Variants in GRIP2 observed in about 807,000 individuals in gnomAD.
GRIP2 encodes glutamate receptor-interacting protein 2.
Under a neutral mutation model 108.3 loss-of-function variants are expected in GRIP2, and 58 were observed. The observed-to-expected ratio is 0.54, with a 90% confidence interval of 0.43 to 0.67. The LOEUF (loss-of-function observed/expected upper bound fraction) is 0.67, where lower values mean the gene tolerates loss of function less well. Among genes scored for constraint, GRIP2 ranks in the 30% least tolerant of loss-of-function variants. GRIP2 has a pLI of 0.00. For missense variants in GRIP2, 1,278 were observed against 1,430.6 expected, an observed-to-expected ratio of 0.89 and a Z score of 1.72; for synonymous variants, 586 against 598.2, an observed-to-expected ratio of 0.98 and a Z score of 0.30.
intron 1 of GRIP2, among the ~76,000 whole-genome samples, chr3:14,550,368 G>T (rs1195964159): frequency 6.6e-6 from 1 of 152,214 alleles, no homozygotes; most frequent in Non-Finnish European, 1.5e-5. Flanking sequence ...CTCATCTAGG[G>T]CTCCAAGCCC....
intron 1 of GRIP2, among the ~76,000 whole-genome samples, chr3:14,530,172 T>G (rs1437485228): frequency 6.6e-6 from 1 of 152,230 alleles, no homozygotes; most frequent in African/African-American, 2.4e-5. Flanking sequence ...CGGGTGAATA[T>G]TTTCCAAGTC....
At chr3:14,596,476 G>T in the GRIP2 span, among the ~76,000 whole-genome samples, 1 of 152,210 alleles carries the variant, frequency 6.6e-6, no homozygotes, top group East Asian at 1.9e-4. Flanking sequence ...ACATTCTCTG[G>T]TTCAACACTG....
chr3:14,573,076 A>G, the GRIP2 span: 1 of 1,396,720 alleles, frequency 7.2e-7, no homozygotes, highest in Non-Finnish European at 1.0e-6. Context: ...AAGGAGAGAA[A>G]GAGGCCACTG....
rs750667024 is a variant in GRIP2, at chr3:14,511,273, T to A, written c.1825A>T (p.Ile609Phe). 1 of 1,613,986 alleles carries A rather than the reference T, an allele frequency of 6.2e-7. No individual in the cohort carries two copies. Among genetic ancestry groups the A allele is most frequent in the Admixed American group, 1.7e-5 (1 of 60,028 alleles). ...TLEPGDKLLA[I>F]DNIRLDNCPM... ...CAGTTGTCCAGGCGGATATTGTCAA[T>A]GGCCAGTAGCTTGTCGCCTGGCTCC... The change falls in exon 16 of 24, where the codon ATT (isoleucine) becomes TTT (phenylalanine). Residue 609 changes from isoleucine to phenylalanine, a missense_variant. Transcript: ENST00000621039. This position sits in a 1 kb window ranked among gnomAD's most constrained non-coding sequence, Gnocchi z 4.1.
the GRIP2 span, among the ~76,000 whole-genome samples, chr3:14,598,106 C>T: frequency 4.6e-5 from 7 of 152,196 alleles, no homozygotes; most frequent in Non-Finnish European, 1.0e-4. Context: ...AAACCACACA[C>T]AAACACAAAC....
the GRIP2 span, among the ~76,000 whole-genome samples, chr3:14,566,703 C>G: frequency 1.3e-5 from 2 of 152,186 alleles, no homozygotes; most frequent in African/African-American, 4.8e-5. Context: ...TTCACAGCCC[C>G]TGACCCCTCC....
chr3:14,591,424 T>C, the GRIP2 span, among the ~76,000 whole-genome samples: 3 of 152,110 alleles, frequency 2.0e-5, no homozygotes, highest in African/African-American at 7.2e-5. Flanking sequence ...CAGCGCATCT[T>C]TGGGCAATTG....
the GRIP2 span, among the ~76,000 whole-genome samples, chr3:14,572,154 G>A: frequency 3.3e-5 from 5 of 152,194 alleles, no homozygotes; most frequent in Non-Finnish European, 5.9e-5. Context: ...AGGCACCGGA[G>A]TATTCACAGC....
In GRIP2 at chr3:14,511,218, C is replaced by T. The variant is rs747502991; in HGVS notation, c.1880G>A (p.Arg627Gln). ...CPMEDAVQIL[R>Q]QCEDLVKLKI... ...CAGCTTCACCAGGTCCTCGCACTGCCGCAGGATTTGCACGGCGTCCTCCAT... is the reference window on the plus strand; with the variant it reads ...CAGCTTCACCAGGTCCTCGCACTGCTGCAGGATTTGCACGGCGTCCTCCAT... Residue 627 changes from arginine to glutamine, a missense_variant, in exon 16 of 24, where the codon CGG (arginine) becomes CAG (glutamine). Coordinates refer to ENST00000621039, the MANE Select transcript of GRIP2 (RefSeq NM_001080423.4). This position sits in a 1 kb window ranked among gnomAD's most constrained non-coding sequence, Gnocchi z 4.1. 1.9e-5 allele frequency: 30 copies of T among 1,614,010 alleles called. No individual in the cohort carries two copies. Among genetic ancestry groups the T allele is most frequent in the East Asian group, 4.5e-5 (2 of 44,884 alleles).
chr3:14,492,155 T>A lies in GRIP2; in HGVS notation c.*1510A>T, dbSNP rs756465722. The A allele has an allele frequency of 5.2e-5, 8 of 152,572 alleles. No homozygotes were observed. The highest frequency in any genetic ancestry group is 1.9e-4 in the African/African-American group (8 of 41,576). 9.5% of individuals were successfully genotyped at this position (152,572 alleles called of 1,614,324 possible). A position where few individuals can be genotyped will look rare whatever the true frequency, so the allele number is the denominator to read the frequency against. ...TCCACCCGTGATCGTCCAGAGGGGC[T>A]GGGGGTCCAACCCAGACAGGGTCAC... On this transcript the variant is annotated 3_prime_UTR_variant, in exon 24 of 24. Coordinates refer to ENST00000621039, the MANE Select transcript of GRIP2 (RefSeq NM_001080423.4).
intron 1 of GRIP2, among the ~76,000 whole-genome samples, chr3:14,538,003 C>T (rs1166266003): frequency 6.6e-6 from 1 of 152,210 alleles, no homozygotes; most frequent in African/African-American, 2.4e-5. Flanking sequence ...GGTCACAGTC[C>T]CTTCCTGCCA....
upstream of GRIP2, among the ~76,000 whole-genome samples, chr3:14,540,979 A>T (rs1485146502): frequency 1.3e-5 from 2 of 152,224 alleles, no homozygotes; most frequent in East Asian, 3.9e-4. The surrounding 1 kb of genome is among the most constrained non-coding windows in gnomAD (Gnocchi z 4.1). Flanking sequence ...TGTGAAGACC[A>T]AGTGAGCTGG....
chr3:14,529,990 T>C (rs4685183), intron 1 of GRIP2, among the ~76,000 whole-genome samples: 62,768 of 151,946 alleles, frequency 0.41, 14,159 homozygotes, highest in South Asian at 0.61. Context: ...TTATAATACC[T>C]CCATGGTATT....
At chr3:14,562,961 A>G in the GRIP2 span, among the ~76,000 whole-genome samples, 3 of 152,220 alleles carry the variant, frequency 2.0e-5, no homozygotes, top group Non-Finnish European at 2.9e-5. Flanking sequence ...TACCACGAGA[A>G]CATTCCACAG....
chr3:14,503,322 A>G (rs1693820158), intron 21 of GRIP2, among the ~76,000 whole-genome samples: 1 of 152,258 alleles, frequency 6.6e-6, no homozygotes, highest in Non-Finnish European at 1.5e-5. Flanking sequence ...ATGATGTCAC[A>G]CATATTCCAT....
At position 14,507,719 on chromosome 3, in the gene GRIP2, GCA is replaced by G; in HGVS notation, c.2079-21_2079-20del. ...ACCAGTCCTGAGGAGTGGATGCAGG[GCA>G]GAGAATGGGAGTTAGACACTCAGGG... is the stretch of plus-strand genomic sequence containing the variant. On this transcript the variant is annotated intron_variant, in intron 17 of 23. Coordinates refer to ENST00000621039, the MANE Select transcript of GRIP2 (RefSeq NM_001080423.4). This position sits in a 1 kb window ranked among gnomAD's most constrained non-coding sequence, Gnocchi z 4.6. 1 of 1,609,404 alleles carries G rather than the reference GCA, an allele frequency of 6.2e-7. No homozygotes were observed. The highest frequency in any genetic ancestry group is 8.5e-7 in the Non-Finnish European group (1 of 1,176,022).
chr3:14,521,581 C>T lies in GRIP2; in HGVS notation c.712+61G>A, dbSNP rs551768924. ...AGTGGTAAAGATCCATGGCCACTGC[C>T]ACCTCCCCCCATCCCAGGCCTCCTC... On this transcript the variant is annotated intron_variant, in intron 7 of 23. Transcript: ENST00000621039. This position sits in a 1 kb window ranked among gnomAD's most constrained non-coding sequence, Gnocchi z 5.1. 3.3e-6 allele frequency: 5 copies of T among 1,510,740 alleles called. No individual in the cohort carries two copies. Among genetic ancestry groups the T allele is most frequent in the East Asian group, 4.8e-5 (2 of 41,524 alleles). 93.6% of individuals were successfully genotyped at this position (1,510,740 alleles called of 1,614,324 possible).
At chr3:14,542,797 G>A (rs1056976880), upstream of GRIP2, among the ~76,000 whole-genome samples, 1 of 152,168 alleles carries the variant, frequency 6.6e-6, no homozygotes, top group African/African-American at 2.4e-5. Flanking sequence ...GCAATTATTG[G>A]CCCATTTTGG....
Position 14,493,368 on chromosome 3 carries a change from T to G in GRIP2, c.*297A>C. The G allele has an allele frequency of 2.7e-6, 1 of 371,734 alleles. No individual in the cohort carries two copies. The highest frequency in any genetic ancestry group is 6.0e-5 in the South Asian group (1 of 16,566). 23.0% of individuals were successfully genotyped at this position (371,734 alleles called of 1,614,324 possible). A position where few individuals can be genotyped will look rare whatever the true frequency, so the allele number is the denominator to read the frequency against. ...AGAGACCTGGGACAGCCCCCAGGCC[T>G]CTCTCCTCTCGGCTGAGCAGCCTGT... On this transcript the variant is annotated 3_prime_UTR_variant, in exon 24 of 24. Transcript: ENST00000621039.
Sources: allele counts gnomAD v4.1 joint callset (sites outside exome capture counted in the v4.1 genomes callset), GRCh38; gene constraint gnomAD v4.1.1; non-coding constraint Gnocchi (gnomAD v3.1); transcripts MANE v1.5; gene names NCBI Gene and HGNC (gene_info 2026-07-23, HGNC 2026-07-21).